Variants in TMEM214 observed in about 807,000 individuals in gnomAD.
The protein encoded by TMEM214 is transmembrane protein 214.
A neutral mutation model predicts 89.8 loss-of-function variants in TMEM214; 71 were observed. That is an observed-to-expected ratio of 0.79 (90% CI 0.65 to 0.96). The LOEUF is 0.96. TMEM214 is among the 40% of genes least tolerant of loss of function. The probability of loss-of-function intolerance (pLI) is 0.00; values close to 1 mark genes in which losing one functional copy is unlikely to be tolerated. For missense variants in TMEM214, 754 were observed against 843.4 expected (o/e 0.89, Z 1.31); for synonymous variants, 332 against 349.5 (o/e 0.95, Z 0.56).
chr2:27,035,086 C>G (rs1421432025), intron 2 of TMEM214, 49 bp from the exon 3 acceptor site: 2 of 1,607,994 alleles, frequency 1.2e-6, no homozygotes, highest in Non-Finnish European at 1.7e-6. Flanking sequence ...TCTTTACTCC[C>G]TCACTCACAA....
Position 27,037,079 on chromosome 2 carries a change from T to C in TMEM214, c.911T>C (p.Met304Thr). 6.2e-7 allele frequency: 1 copy of C among 1,613,978 alleles called. No homozygotes were observed. ...AGCCTGTTTCTTCATCCCCACAGGA[T>C]GCATCCCAACCTTACCAAGGGCTTC... The part of the protein sequence containing the change: ...AITYLDRLLL[M>T]HPNLTKGFGM... Residue 304 changes from methionine (M) to threonine (T), a missense_variant and splice_region_variant, in exon 8 of 17, where the codon ATG (methionine) becomes ACG (threonine). By Grantham distance (81) the Met-to-Thr change is moderately conservative. Coordinates refer to ENST00000238788, the MANE Select transcript of TMEM214 (RefSeq NM_017727.5).
At chr2:27,037,039 T>A (rs776196691) in intron 7 of TMEM214, 38 bp from the exon 8 acceptor site, 1 of 1,567,442 alleles carries the variant, frequency 6.4e-7, no homozygotes, top group African/African-American at 1.4e-5. Context: ...CTGGCATGGG[T>A]GGTGGTGTCC....
In TMEM214 at chr2:27,038,709, A is replaced by G; in HGVS notation, c.1301A>G (p.Lys434Arg). 4 of 1,614,078 alleles carry G rather than the reference A, an allele frequency of 2.5e-6. No individual in the cohort carries two copies. The highest frequency in any genetic ancestry group is 3.4e-6 in the Non-Finnish European group (4 of 1,179,968). ...SWEQIPKKVQ[K>R]SLQETIQSLK... The stretch of plus-strand genomic sequence containing the variant: ...GACCTTTCTTGTCCATAGGTACAGA[A>G]GTCTTTGCAAGAAACCATTCAGTCC... Residue 434 changes from lysine (K) to arginine (R), a missense_variant, in exon 12 of 17, where the codon AAG (lysine) becomes AGG (arginine). Physicochemically the swap from Lys to Arg is conservative, Grantham distance 26 (BLOSUM62 2). Transcript: ENST00000238788. This position sits in a 1 kb window ranked among gnomAD's most constrained non-coding sequence, Gnocchi z 4.4.
chr2:27,038,676 A>G lies in TMEM214; in HGVS notation c.1294-26A>G. On this transcript the variant is annotated intron_variant, in intron 11 of 16. Coordinates refer to ENST00000238788, the MANE Select transcript of TMEM214 (RefSeq NM_017727.5). The surrounding 1 kb of genome is among the most constrained non-coding windows in gnomAD (Gnocchi z 4.4). ...CAGGATGGAAGCTCTGGATTCCCTC[A>G]CAGGCCAGACCTTTCTTGTCCATAG... 1 of 1,610,278 alleles carries G rather than the reference A, an allele frequency of 6.2e-7. No individual in the cohort carries two copies. The highest frequency in any genetic ancestry group is 1.3e-5 in the African/African-American group (1 of 74,970).
rs777833055 is a variant in TMEM214, at chr2:27,036,525, A to T, written c.759A>T (p.Ala253=). 8.1e-6 allele frequency: 13 copies of T among 1,614,118 alleles called. 1 individual carries two copies. The South Asian group carries it at 1.3e-4, about 16-fold the overall frequency. Residue 253 remains alanine (A), a synonymous_variant, in exon 6 of 17, where the codon GCA becomes GCT. Coordinates refer to ENST00000238788, the MANE Select transcript of TMEM214 (RefSeq NM_017727.5). The part of the protein sequence containing the change: ...ELLRSHQSRP[A]KCLTIMWALG... ...TGAGGTCCCACCAGAGCCGACCAGC[A>T]AAGTGTCTCACCATCATGTGGGCCC...
chr2:27,036,451 C>A, intron 5 of TMEM214, 36 bp from the exon 6 acceptor site: 2 of 1,558,018 alleles, frequency 1.3e-6, no homozygotes, highest in Non-Finnish European at 1.8e-6. Flanking sequence ...GGTGTTTTGT[C>A]CTATCCCAAT....
chr2:27,037,465 C>A, intron 8 of TMEM214, 96 bp from the exon 9 acceptor site: 1 of 1,492,374 alleles, frequency 6.7e-7, no homozygotes, highest in Non-Finnish European at 9.2e-7. Flanking sequence ...GTGGCTATTC[C>A]CCACAGGCAG....
In TMEM214 at chr2:27,038,226, G is replaced by A. The variant is rs777872051; in HGVS notation, c.1233G>A (p.Leu411=). ...GGAGGCAGCTGTACCCTAAGCACCT[G>A]TCACAGTCCAGGCAGGTGGGGTGGG... ...SVWRQLYPKH[L]SQSSLLLEHL... Residue 411 remains leucine (L), a synonymous_variant, in exon 10 of 17, where the codon CTG becomes CTA. Coordinates refer to ENST00000238788, the MANE Select transcript of TMEM214 (RefSeq NM_017727.5). This position sits in a 1 kb window ranked among gnomAD's most constrained non-coding sequence, Gnocchi z 4.4. 1.9e-6 allele frequency: 3 copies of A among 1,614,048 alleles called. No individual in the cohort carries two copies. The South Asian group carries it at 3.3e-5, about 18-fold the overall frequency.
In TMEM214 at chr2:27,040,970, C is replaced by T; in HGVS notation, c.*133C>T. 2 of 1,126,860 alleles carry T rather than the reference C, an allele frequency of 1.8e-6. No individual in the cohort carries two copies. The highest frequency in any genetic ancestry group is 2.5e-6 in the Non-Finnish European group (2 of 795,398). The allele number at this position is 1,126,860 out of a possible 1,614,324, so 69.8% of individuals were successfully genotyped here. A position where few individuals can be genotyped will look rare whatever the true frequency, so the allele number is the denominator to read the frequency against. ...TCTCTCCTAGGCAAGTGGCCAGTTG[C>T]CTCCACCTCAGTTCTTCCATCTTTG... is the stretch of plus-strand genomic sequence containing the variant. On this transcript the variant is annotated 3_prime_UTR_variant, in exon 17 of 17. Coordinates refer to ENST00000238788, the MANE Select transcript of TMEM214 (RefSeq NM_017727.5).
At chr2:27,035,306 C>T in intron 3 of TMEM214, 21 bp downstream of exon 3, 1 of 1,613,974 alleles carries the variant, frequency 6.2e-7, no homozygotes, top group Non-Finnish European at 8.5e-7. Context: ...CCAGCTTCCT[C>T]AAGCTCAGAC....
In TMEM214 at chr2:27,033,165, C is replaced by T. The variant is rs1489194814; in HGVS notation, c.150C>T (p.Thr50=). Residue 50 remains threonine (T), a splice_region_variant and synonymous_variant, in exon 1 of 17, where the codon ACC becomes ACT. Coordinates refer to ENST00000238788, the MANE Select transcript of TMEM214 (RefSeq NM_017727.5). ...EANGVWKYDL[T]PAIQTTSTLY... ...ACGGAGTGTGGAAATACGACCTGAC[C>T]CGTGAGTACCCGCCCTGCCCCGCCG... 3 of 1,247,906 alleles carry T rather than the reference C, an allele frequency of 2.4e-6. No homozygotes were observed. Among genetic ancestry groups the T allele is most frequent in the East Asian group, 6.3e-5 (2 of 31,674 alleles). 77.3% of individuals were successfully genotyped at this position (1,247,906 alleles called of 1,614,324 possible).
rs367867955 is a variant in TMEM214, at chr2:27,040,128, G to A, written c.1721G>A (p.Ser574Asn). The change falls in exon 15 of 17, where the codon AGC becomes AAC. Residue 574 changes from serine (S) to asparagine (N), a missense_variant. Ser to Asn is a conservative substitution (Grantham distance 46, BLOSUM62 1). Transcript: ENST00000238788. ...TGGGCTCACACCAATGCCACAGTCA[G>A]CTTCCTTTCTGCCCACTGTGCCTCT... ...LAWAHTNATVSFLSAHCASHL... is the reference protein window; with the variant it reads ...LAWAHTNATVNFLSAHCASHL... 11 of 1,609,060 alleles carry A rather than the reference G, an allele frequency of 6.8e-6. No homozygotes were observed. In the East Asian group the frequency reaches 8.9e-5, roughly 13 times the overall value.
At position 27,039,779 on chromosome 2, in the gene TMEM214, T is replaced by C. The variant is rs558650177; in HGVS notation, c.1564T>C (p.Leu522=). ...CCGGTTGCTTCGATCATCTGGCTTC[T>C]TACCTGCTAGCCAACAAGCGTGTGC... is the stretch of plus-strand genomic sequence containing the variant. ...TGRLLRSSGF[L]PASQQACAKL... The change falls in exon 14 of 17, where the codon TTA becomes CTA. Residue 522 remains leucine, a synonymous_variant. Transcript: ENST00000238788. 6.8e-6 allele frequency: 11 copies of C among 1,614,102 alleles called. No individual in the cohort carries two copies. Among genetic ancestry groups the C allele is most frequent in the African/African-American group, 4.0e-5 (3 of 74,932 alleles).
intron 5 of TMEM214, 31 bp from the exon 6 acceptor site, chr2:27,036,456 C>T: frequency 6.3e-7 from 1 of 1,577,896 alleles, no homozygotes; most frequent in Non-Finnish European, 8.7e-7. Flanking sequence ...TTTGTCCTAT[C>T]CCAATCTGCC....
intron 16 of TMEM214, 39 bp downstream of exon 16, chr2:27,040,535 A>C (rs1257204096): frequency 6.2e-7 from 1 of 1,605,736 alleles, no homozygotes; most frequent in Non-Finnish European, 8.5e-7. Context: ...GATCCCCAGC[A>C]GCCCCATTCC....
Position 27,040,848 on chromosome 2 carries a change from C to G in TMEM214, c.*11C>G, listed in dbSNP as rs1032564339. The G allele has an allele frequency of 1.9e-6, 3 of 1,611,148 alleles. No homozygotes were observed. The South Asian group carries it at 3.3e-5, about 18-fold the overall frequency. The stretch of plus-strand genomic sequence containing the variant: ...ATATCCCAGCAGTAGGCCCTGCCTT[C>G]CTGGCCACTGATTTCTGCATGGGTA... On this transcript the variant is annotated 3_prime_UTR_variant, in exon 17 of 17. Transcript: ENST00000238788.
chr2:27,036,432 G>T, intron 5 of TMEM214, 55 bp from the exon 6 acceptor site: 1 of 1,417,518 alleles, frequency 7.1e-7, no homozygotes, highest in Non-Finnish European at 1.0e-6. Context: ...GGCTTTGGGG[G>T]GTGCTCCTGG....
chr2:27,033,166 C>T lies in TMEM214; in HGVS notation c.151C>T (p.Pro51Ser). The T allele has an allele frequency of 8.0e-7, 1 of 1,248,056 alleles. No individual in the cohort carries two copies. The highest frequency in any genetic ancestry group is 1.0e-6 in the Non-Finnish European group (1 of 987,702). 77.3% of individuals were successfully genotyped at this position (1,248,056 alleles called of 1,614,324 possible). A position where few individuals can be genotyped will look rare whatever the true frequency, so the allele number is the denominator to read the frequency against. ...CGGAGTGTGGAAATACGACCTGACC[C>T]GTGAGTACCCGCCCTGCCCCGCCGC... Reference protein sequence around the residue: ...ANGVWKYDLTPAIQTTSTLYE... With the variant: ...ANGVWKYDLTSAIQTTSTLYE... The change falls in exon 1 of 17, where the codon CCT becomes TCT. Residue 51 changes from proline to serine, a missense_variant and splice_region_variant. Transcript: ENST00000238788.
In TMEM214 at chr2:27,037,325, C is replaced by A. The variant is rs1041262786; in HGVS notation, c.1010+147C>A. The stretch of plus-strand genomic sequence containing the variant: ...AGTAGGTTTCAAGGGAACAGTGACC[C>A]CTTGAAATTATATGGACCCTTGAGT... On this transcript the variant is annotated intron_variant, in intron 8 of 16. Coordinates refer to ENST00000238788, the MANE Select transcript of TMEM214 (RefSeq NM_017727.5). The A allele has an allele frequency of 3.6e-6, 3 of 835,538 alleles. No individual in the cohort carries two copies. In the African/African-American group the frequency reaches 5.1e-5, roughly 14 times the overall value. The allele number at this position is 835,538 out of a possible 1,614,324, so 51.8% of individuals were successfully genotyped here. A position where few individuals can be genotyped will look rare whatever the true frequency, so the allele number is the denominator to read the frequency against.
Sources: gnomAD v4.1 joint callset for allele counts on GRCh38, gnomAD v4.1.1 for gene constraint, Gnocchi (gnomAD v3.1) non-coding constraint, MANE v1.5 for transcripts, NCBI Gene and HGNC (gene_info 2026-07-23, HGNC 2026-07-21) for gene names.